The following PLCB1 variants were observed in gnomAD, a reference collection of about 807,000 sequenced individuals.
PLCB1 encodes the protein phospholipase C beta 1.
PLCB1 carries 46 observed loss-of-function variants against 161.8 expected under a neutral mutation model. The observed-to-expected ratio is 0.28, with a 90% confidence interval of 0.22 to 0.36. The LOEUF is 0.36. Ranked by LOEUF, PLCB1 falls within the 10% of genes least tolerant of loss-of-function variation. PLCB1 has a pLI of 1.00. For synonymous variants in PLCB1, 517 were observed against 503.7 expected, an observed-to-expected ratio of 1.03 and a Z score of -0.35; for missense variants, 1,016 against 1,472.5, an observed-to-expected ratio of 0.69 and a Z score of 5.07.
chr20:8,437,792 T>C (rs1216165038), intron 3 of PLCB1, among the ~76,000 whole-genome samples: 1 of 152,174 alleles, frequency 6.6e-6, no homozygotes, highest in African/African-American at 2.4e-5. Context: ...AGCAAGGAAG[T>C]ATTAGGTAAA....
chr20:8,762,135 A>G (rs983007512), intron 25 of PLCB1, among the ~76,000 whole-genome samples: 1 of 152,090 alleles, frequency 6.6e-6, no homozygotes, highest in Non-Finnish European at 1.5e-5. Context: ...GCTTGAACCC[A>G]GGAGGCGGAG....
chr20:8,578,542 T>TA (rs1360432536), intron 3 of PLCB1, among the ~76,000 whole-genome samples: 5 of 152,286 alleles, frequency 3.3e-5, no homozygotes, highest in Admixed American at 3.3e-4. Context: ...AGTAAACATA[T>TA]TAAAGATGAA....
intron 3 of PLCB1, among the ~76,000 whole-genome samples, chr20:8,504,627 C>G (rs895729414): frequency 2.0e-5 from 3 of 152,074 alleles, no homozygotes; most frequent in African/African-American, 4.8e-5. Context: ...CCTCCTCTTT[C>G]GCTTATATTT....
chr20:8,879,766 G>C (rs2146334737), intron 31 of PLCB1, among the ~76,000 whole-genome samples: 1 of 152,330 alleles, frequency 6.6e-6, no homozygotes, highest in East Asian at 1.9e-4. Context: ...CCAAGCTGCT[G>C]ACACTGTCTA....
At chr20:8,452,402 T>A (rs1217685404) in intron 3 of PLCB1, among the ~76,000 whole-genome samples, 1 of 152,212 alleles carries the variant, frequency 6.6e-6, no homozygotes. Context: ...CACTGAGATT[T>A]TGAGGAGAAA....
At chr20:8,197,103 A>C (rs545788980) in intron 2 of PLCB1, among the ~76,000 whole-genome samples, 2 of 152,094 alleles carry the variant, frequency 1.3e-5, no homozygotes. Flanking sequence ...AGTCTTTGCT[A>C]TTGTGAGTAG....
chr20:8,643,035 C>T (rs908963274), intron 4 of PLCB1, among the ~76,000 whole-genome samples: 1 of 152,162 alleles, frequency 6.6e-6, no homozygotes, highest in African/African-American at 2.4e-5. Flanking sequence ...CTGTGAAATG[C>T]TCTTCTGTGT....
chr20:8,878,563 G>C (rs1286195830), intron 31 of PLCB1, among the ~76,000 whole-genome samples: 1 of 144,374 alleles, frequency 6.9e-6, no homozygotes, highest in South Asian at 2.3e-4. Context: ...GGCCCTGAGC[G>C]CCCCCTCACA....
At chr20:8,215,652 C>T (rs925217610) in intron 2 of PLCB1, among the ~76,000 whole-genome samples, 12 of 151,928 alleles carry the variant, frequency 7.9e-5, no homozygotes, top group Non-Finnish European at 1.5e-4. Context: ...AGTTTTTGTA[C>T]GTCTTGACAA....
At chr20:8,274,883 G>A (rs1464146094) in intron 2 of PLCB1, among the ~76,000 whole-genome samples, 3 of 152,228 alleles carry the variant, frequency 2.0e-5, no homozygotes, top group East Asian at 1.9e-4. Context: ...CCTGCGATGA[G>A]TTATTTGCTT....
chr20:8,177,899 T>A (rs567826378), intron 2 of PLCB1, among the ~76,000 whole-genome samples: 3 of 152,076 alleles, frequency 2.0e-5, no homozygotes, highest in African/African-American at 4.8e-5. Flanking sequence ...TGGACAGAAA[T>A]GTGTACTCAA....
At chr20:8,185,566 A>G (rs1033983428) in intron 2 of PLCB1, among the ~76,000 whole-genome samples, 3 of 147,548 alleles carry the variant, frequency 2.0e-5, no homozygotes, top group African/African-American at 7.7e-5. Context: ...GTGTATATAT[A>G]CATATATTTA....
chr20:8,518,180 C>T (rs1359998613), intron 3 of PLCB1, among the ~76,000 whole-genome samples: 1 of 141,582 alleles, frequency 7.1e-6, no homozygotes, highest in African/African-American at 2.6e-5. Context: ...GACTCTGTCT[C>T]AAAAAAAAAA....
At chr20:8,211,795 C>T (rs1033272126) in intron 2 of PLCB1, among the ~76,000 whole-genome samples, 1 of 152,076 alleles carries the variant, frequency 6.6e-6, no homozygotes, top group African/African-American at 2.4e-5. Flanking sequence ...CAAAATCTCC[C>T]AGTGTATCAG....
chr20:8,243,137 A>T (rs1261180724), intron 2 of PLCB1, among the ~76,000 whole-genome samples: 1 of 151,920 alleles, frequency 6.6e-6, no homozygotes, highest in East Asian at 2.0e-4. Flanking sequence ...ATCACGACCT[A>T]AGATAAAGTT....
chr20:8,301,853 G>A (rs1983925730), intron 2 of PLCB1, among the ~76,000 whole-genome samples: 1 of 152,234 alleles, frequency 6.6e-6, no homozygotes, highest in African/African-American at 2.4e-5. Context: ...TCATCTCCAG[G>A]AGTTAGGATC....
chr20:8,592,977 T>G (rs1600176075), intron 3 of PLCB1, among the ~76,000 whole-genome samples: 1 of 152,034 alleles, frequency 6.6e-6, no homozygotes, highest in East Asian at 1.9e-4. Flanking sequence ...TTAATCAGAA[T>G]CTCTGAGGGT....
chr20:8,733,958 A>G (rs1954218659), intron 19 of PLCB1, among the ~76,000 whole-genome samples: 1 of 88,202 alleles, frequency 1.1e-5, no homozygotes, highest in Non-Finnish European at 2.8e-5. Flanking sequence ...CGTCTCTACT[A>G]AAAAATACAA....
intron 3 of PLCB1, among the ~76,000 whole-genome samples, chr20:8,445,788 T>C (rs1224379193): frequency 1.3e-5 from 2 of 152,014 alleles, no homozygotes; most frequent in East Asian, 1.9e-4. Context: ...GATTCCTAGG[T>C]ATTTTATTCT....
Sources: gnomAD v4.1 joint callset for allele counts (sites outside exome capture counted in the v4.1 genomes callset) on GRCh38, gnomAD v4.1.1 for gene constraint, MANE v1.5 for transcripts, NCBI Gene and HGNC (gene_info 2026-07-23, HGNC 2026-07-21) for gene names.